The following TNR variants were observed in gnomAD, a reference collection of about 807,000 sequenced individuals.
TNR encodes the protein tenascin-R.
A neutral mutation model predicts 150.4 loss-of-function variants in TNR; 45 were observed. The ratio of observed to expected loss-of-function variants is 0.30; its 90% CI spans 0.24 to 0.38. The LOEUF (loss-of-function observed/expected upper bound fraction) is 0.38. Among genes scored for constraint, TNR ranks in the 10% least tolerant of loss-of-function variants. TNR has a pLI of 1.00. For missense variants in TNR, 1,544 were observed against 1,759.1 expected (o/e 0.88, Z 2.19); for synonymous variants, 687 against 678.4 (o/e 1.01, Z -0.20).
rs201236650 is a variant in TNR at position 175,386,093 on chromosome 1, C to T, written c.1716G>A (p.Val572=). The T allele has an allele frequency of 6.2e-6, 10 of 1,612,252 alleles. No homozygotes were observed. The highest frequency in any genetic ancestry group is 8.5e-7 in the Non-Finnish European group (1 of 1,178,580). ...QALRPGSRYE[V]SVSAVRGTNE... ...TGGTCCCTCGGACGGCACTGACTGA[C>T]ACCTCGTATCGGGAGCCAGGCCGCA... Residue 572 remains valine, a synonymous_variant, in exon 8 of 23, where the codon GTG becomes GTA. Coordinates refer to ENST00000367674, the MANE Select transcript of TNR (RefSeq NM_003285.3).
chr1:175,554,382 C>G lies in TNR; in HGVS notation c.-164-26013G>C, dbSNP rs561512367. ...AAAGATATCCTTTCTTCATTTCTGA[C>G]TTTTTAAAATCAAGGCATATTTTGA... On this transcript the variant is annotated intron_variant, in intron 1 of 22. Transcript: ENST00000367674. 2.1e-5 allele frequency among the ~76,000 whole-genome samples: 3 copies of G among 146,156 alleles called. No individual in the cohort carries two copies. In the East Asian group the frequency reaches 6.2e-4, roughly 30 times the overall value.
rs943303004 is a variant in TNR, at chr1:175,731,705, C to T, written c.-165+11521G>A. 9.2e-5 allele frequency among the ~76,000 whole-genome samples: 14 copies of T among 152,310 alleles called. No individual in the cohort carries two copies. In the East Asian group the frequency reaches 1.4e-3, roughly 15 times the overall value. On this transcript the variant is annotated intron_variant, in intron 1 of 22. Transcript: ENST00000367674. ...CCCAGATCTCACGCTTACCCTGCATCCTGCTGCCTGTGGGTAGTTGTTCCA... is the reference window on the plus strand; with the variant it reads ...CCCAGATCTCACGCTTACCCTGCATTCTGCTGCCTGTGGGTAGTTGTTCCA...
intron 2 of TNR, among the ~76,000 whole-genome samples, chr1:175,416,101 T>C (rs1654428483): frequency 1.3e-5 from 2 of 151,386 alleles, no homozygotes; most frequent in African/African-American, 2.4e-5. Context: ...TTAACATCTG[T>C]AAAGCTTCTG....
At chr1:175,497,630 T>TC (rs1354217597) in intron 2 of TNR, among the ~76,000 whole-genome samples, 1 of 152,116 alleles carries the variant, frequency 6.6e-6, no homozygotes, top group African/African-American at 2.4e-5. Flanking sequence ...GAAATAGGCT[T>TC]CCCCCTTCAT....
At chr1:175,737,975 G>A (rs1412299371) in intron 1 of TNR, among the ~76,000 whole-genome samples, 2 of 152,188 alleles carry the variant, frequency 1.3e-5, no homozygotes, top group Non-Finnish European at 2.9e-5. Context: ...TACCTCTCTG[G>A]CATAAGATTG....
chr1:175,702,448 C>G (rs1030767943), intron 1 of TNR, among the ~76,000 whole-genome samples: 1 of 152,212 alleles, frequency 6.6e-6, no homozygotes, highest in African/African-American at 2.4e-5. Context: ...GACCCACAGA[C>G]AGGAAGAAAG....
intron 1 of TNR, among the ~76,000 whole-genome samples, chr1:175,625,673 C>T (rs1285690037): frequency 2.6e-5 from 4 of 152,206 alleles, no homozygotes; most frequent in Non-Finnish European, 5.9e-5. Flanking sequence ...TACTTCCAGC[C>T]TTCGCCTGTG....
chr1:175,518,035 T>C (rs550919630), intron 2 of TNR, among the ~76,000 whole-genome samples: 1 of 152,240 alleles, frequency 6.6e-6, no homozygotes, highest in African/African-American at 2.4e-5. Flanking sequence ...GGAGGAGTGT[T>C]GATGGTTTAA....
chr1:175,666,564 A>T (rs1283315335), intron 1 of TNR, among the ~76,000 whole-genome samples: 1 of 152,142 alleles, frequency 6.6e-6, no homozygotes, highest in African/African-American at 2.4e-5. Flanking sequence ...ATAATGCTGC[A>T]AGCTCCGTGC....
At chr1:175,438,330 C>G (rs971093706) in intron 2 of TNR, among the ~76,000 whole-genome samples, 5 of 152,062 alleles carry the variant, frequency 3.3e-5, no homozygotes, top group Admixed American at 6.6e-5. Context: ...ATTCAACAAC[C>G]CTTCGTGCTA....
intron 1 of TNR, among the ~76,000 whole-genome samples, chr1:175,567,090 C>T (rs1661673336): frequency 6.6e-6 from 1 of 152,180 alleles, no homozygotes; most frequent in Non-Finnish European, 1.5e-5. Flanking sequence ...CTTTAAGACA[C>T]CTACAGTGGT....
At chr1:175,681,634 T>C (rs1666037115) in intron 1 of TNR, among the ~76,000 whole-genome samples, 1 of 152,158 alleles carries the variant, frequency 6.6e-6, no homozygotes, top group Admixed American at 6.5e-5. Context: ...CCTAAACTGA[T>C]ATGAGACTCT....
intron 1 of TNR, among the ~76,000 whole-genome samples, chr1:175,727,630 G>A (rs565618143): frequency 6.6e-6 from 1 of 152,344 alleles, no homozygotes; most frequent in South Asian, 2.1e-4. Flanking sequence ...GGGAGAAATT[G>A]AGGATTCAAG....
chr1:175,376,634 C>G (rs1319993882), intron 9 of TNR, among the ~76,000 whole-genome samples: 1 of 152,112 alleles, frequency 6.6e-6, no homozygotes, highest in Non-Finnish European at 1.5e-5. Context: ...AGTCAAACTT[C>G]TCCCTTTTGT....
rs547718024 is a variant in TNR, at chr1:175,621,245, C to T, written c.-164-92876G>A. On this transcript the variant is annotated intron_variant, in intron 1 of 22. Coordinates refer to ENST00000367674, the MANE Select transcript of TNR (RefSeq NM_003285.3). ...TCATCTCACTGTCTACATCTATCTG[C>T]GCTCTAGCCTGAATTCTGCTGCCAG... Among the ~76,000 whole-genome samples the T allele has an allele frequency of 8.3e-4, 127 of 152,256 alleles. 2 individuals carry two copies. The South Asian group carries it at 0.025, about 30-fold the overall frequency.
intron 1 of TNR, among the ~76,000 whole-genome samples, chr1:175,696,592 G>A (rs901076672): frequency 1.3e-5 from 2 of 152,160 alleles, no homozygotes; most frequent in Non-Finnish European, 2.9e-5. Flanking sequence ...AACCCTAGAG[G>A]AGAAGGCCCC....
At position 175,319,489 on chromosome 1, in the gene TNR, CA is replaced by C. The variant is rs1648936132; in HGVS notation, c.*3867del. On this transcript the variant is annotated 3_prime_UTR_variant, in exon 23 of 23. Coordinates refer to ENST00000367674, the MANE Select transcript of TNR (RefSeq NM_003285.3). ...TTTGGTTTGGCATTGAGGTTATTGG[CA>C]ACCATGGTTCTTTAGGTCTGGCTTT... The C allele has an allele frequency of 6.6e-6, 1 of 152,304 alleles. No individual in the cohort carries two copies. Among genetic ancestry groups the C allele is most frequent in the South Asian group, 2.1e-4 (1 of 4,832 alleles). 9.4% of individuals were successfully genotyped at this position (152,304 alleles called of 1,614,324 possible). A position where few individuals can be genotyped will look rare whatever the true frequency, so the allele number is the denominator to read the frequency against.
chr1:175,638,133 G>C (rs1664541129), intron 1 of TNR, among the ~76,000 whole-genome samples: 1 of 152,158 alleles, frequency 6.6e-6, no homozygotes, highest in African/African-American at 2.4e-5. Flanking sequence ...GAACTTCTAG[G>C]AATGTCCCTA....
intron 2 of TNR, among the ~76,000 whole-genome samples, chr1:175,513,603 A>T (rs113850256): frequency 6.6e-6 from 1 of 152,168 alleles, no homozygotes; most frequent in African/African-American, 2.4e-5. Context: ...GGCAAAAGTA[A>T]CATCATCAAA....
Sources: allele counts gnomAD v4.1 joint callset (sites outside exome capture counted in the v4.1 genomes callset), GRCh38; gene constraint gnomAD v4.1.1; transcripts MANE v1.5; gene names NCBI Gene and HGNC (gene_info 2026-07-23, HGNC 2026-07-21).